The following GRM5 variants were observed in gnomAD, a reference collection of about 807,000 sequenced individuals.
GRM5 encodes the protein metabotropic glutamate receptor 5.
In GRM5, 19 loss-of-function variants were observed where a neutral mutation model predicts 83.1. The observed-to-expected ratio is 0.23, with a 90% CI of 0.16 to 0.34. GRM5 has a LOEUF of 0.34. Among genes scored for constraint, GRM5 ranks in the 10% least tolerant of loss-of-function variants. The pLI is 1.00. For synonymous variants in GRM5, 675 were observed against 633.6 expected (o/e 1.07, Z -0.98); for missense variants, 1,160 against 1,588.3 (o/e 0.73, Z 4.58).
intron 2 of GRM5, among the ~76,000 whole-genome samples, chr11:88,874,761 T>C (rs976924921): frequency 2.0e-5 from 3 of 151,940 alleles, no homozygotes; most frequent in Non-Finnish European, 4.4e-5. Context: ...TTTCAGACCA[T>C]TACAATAAAG....
chr11:89,042,781 A>G (rs775983591), intron 2 of GRM5, among the ~76,000 whole-genome samples: 6 of 150,786 alleles, frequency 4.0e-5, no homozygotes, highest in African/African-American at 7.5e-5. Flanking sequence ...AGTTCCTTCA[A>G]TCAAAGCTGG....
At chr11:88,759,521 A>C (rs1315169202) in intron 3 of GRM5, among the ~76,000 whole-genome samples, 1 of 152,196 alleles carries the variant, frequency 6.6e-6, no homozygotes. Flanking sequence ...CAACAAGAAG[A>C]GCTAACTATC....
At chr11:89,059,760 T>C in intron 1 of GRM5, among the ~76,000 whole-genome samples, 1 of 152,232 alleles carries the variant, frequency 6.6e-6, no homozygotes, top group African/African-American at 2.4e-5. Context: ...AGATACTTTA[T>C]TTTTTTAATT....
chr11:88,589,769 C>T (rs1020465755), intron 7 of GRM5, among the ~76,000 whole-genome samples: 1 of 152,136 alleles, frequency 6.6e-6, no homozygotes, highest in African/African-American at 2.4e-5. Flanking sequence ...AATCTATGTC[C>T]TCTTATTATA....
intron 2 of GRM5, among the ~76,000 whole-genome samples, chr11:88,946,709 C>T (rs1938294142): frequency 1.3e-5 from 2 of 152,096 alleles, no homozygotes; most frequent in Non-Finnish European, 2.9e-5. Context: ...TCTATGTCCT[C>T]TCTTCTGGAT....
chr11:88,985,070 G>C (rs1050386764), intron 2 of GRM5, among the ~76,000 whole-genome samples: 1 of 151,810 alleles, frequency 6.6e-6, no homozygotes, highest in Non-Finnish European at 1.5e-5. Context: ...ATACACAAGA[G>C]CCATAAATCC....
intron 2 of GRM5, among the ~76,000 whole-genome samples, chr11:88,888,491 T>C (rs1945083837): frequency 6.6e-6 from 1 of 152,150 alleles, no homozygotes; most frequent in Non-Finnish European, 1.5e-5. Context: ...TTTTTCACTG[T>C]TTTCAATGGC....
intron 4 of GRM5, among the ~76,000 whole-genome samples, chr11:88,610,282 G>A (rs1476926166): frequency 2.0e-5 from 3 of 152,156 alleles, no homozygotes; most frequent in African/African-American, 7.2e-5. Context: ...GGTAGAAATA[G>A]CAATGTATCT....
At chr11:88,757,720 A>G (rs1215893550) in intron 3 of GRM5, among the ~76,000 whole-genome samples, 1 of 152,170 alleles carries the variant, frequency 6.6e-6, no homozygotes, top group South Asian at 2.1e-4. Flanking sequence ...GGCACCCACT[A>G]GCACCCTGCT....
chr11:89,035,863 AT>A (rs953884155), intron 2 of GRM5, among the ~76,000 whole-genome samples: 16 of 151,606 alleles, frequency 1.1e-4, no homozygotes, highest in Non-Finnish European at 1.5e-5. Context: ...GGTCCATGTT[AT>A]TTTTTTTGGT....
chr11:88,812,041 G>A (rs766428510), intron 3 of GRM5, among the ~76,000 whole-genome samples: 5 of 152,180 alleles, frequency 3.3e-5, no homozygotes, highest in Non-Finnish European at 2.9e-5. Context: ...CTGCCTTCAA[G>A]TGGTTACAAA....
rs766819770 is a variant in GRM5, at chr11:88,617,669, A to AT, written c.1148-12706dup. ...GGCAACAGTGTCTGGGTGGATGCTT[A>AT]TAACTCTAAGGATGGAAACCCTTCT... On this transcript the variant is annotated intron_variant, in intron 4 of 9. Coordinates refer to ENST00000305447, the MANE Select transcript of GRM5 (RefSeq NM_001143831.3). 5.3e-5 allele frequency among the ~76,000 whole-genome samples: 8 copies of AT among 152,338 alleles called. No individual in the cohort carries two copies. The South Asian group carries it at 1.7e-3, about 32-fold the overall frequency.
intron 2 of GRM5, among the ~76,000 whole-genome samples, chr11:89,005,205 G>A (rs1429080812): frequency 2.6e-5 from 4 of 152,196 alleles, no homozygotes; most frequent in Non-Finnish European, 4.4e-5. Context: ...GTGTTTAAAT[G>A]TAAGTATGAA....
intron 2 of GRM5, among the ~76,000 whole-genome samples, chr11:88,873,914 A>G (rs1944809565): frequency 6.6e-6 from 1 of 151,610 alleles, no homozygotes; most frequent in Admixed American, 6.6e-5. Context: ...ACAGAAATAC[A>G]AAGGATCATT....
At chr11:88,642,837 A>G (rs1038510580) in intron 4 of GRM5, among the ~76,000 whole-genome samples, 5 of 152,112 alleles carry the variant, frequency 3.3e-5, no homozygotes, top group Non-Finnish European at 7.4e-5. Context: ...CCTGAATTTC[A>G]CTGTCCGTAT....
At chr11:88,984,557 T>C in intron 2 of GRM5, 1 of 446,900 alleles carries the variant, frequency 2.2e-6, no homozygotes, top group East Asian at 3.5e-5. Context: ...TAAATGTATA[T>C]TATGCAGCTA....
At chr11:88,946,404 A>G (rs966230552) in intron 2 of GRM5, among the ~76,000 whole-genome samples, 1 of 152,070 alleles carries the variant, frequency 6.6e-6, no homozygotes, top group Admixed American at 6.6e-5. Context: ...AAACAAAACC[A>G]ATCTTTCTAC....
At chr11:88,522,562 GTCTCTCTTCTCTCTC>G (rs1221198979) in intron 9 of GRM5, among the ~76,000 whole-genome samples, 2 of 133,514 alleles carry the variant, frequency 1.5e-5, no homozygotes, top group African/African-American at 5.7e-5. Flanking sequence ...AGCATGGCAG[GTCTCTCTTCTCTCTC>G]TCTCTCTCTC....
At chr11:88,943,739 T>C (rs546776351) in intron 2 of GRM5, among the ~76,000 whole-genome samples, 83 of 152,094 alleles carry the variant, frequency 5.5e-4, no homozygotes, top group African/African-American at 1.9e-3. Context: ...TGCTTTTACC[T>C]CAACATATAG....
Sources: gnomAD v4.1 joint callset for allele counts (sites outside exome capture counted in the v4.1 genomes callset) on GRCh38, gnomAD v4.1.1 for gene constraint, MANE v1.5 for transcripts, NCBI Gene and HGNC (gene_info 2026-07-23, HGNC 2026-07-21) for gene names.